Variants in ULK4 observed in about 807,000 individuals in gnomAD.
The protein encoded by ULK4 is inactive serine/threonine-protein kinase ULK4.
In ULK4, 133 loss-of-function variants were observed where a neutral mutation model predicts 160.6. The observed-to-expected ratio is 0.83, with a 90% CI of 0.72 to 0.96. ULK4 has a LOEUF of 0.96. ULK4 is among the 40% of genes least tolerant of loss of function. The pLI, the probability that ULK4 is intolerant of heterozygous loss-of-function variation, is 0.00. For missense variants in ULK4, 1,580 were observed against 1,499.5 expected, an observed-to-expected ratio of 1.05 and a Z score of -0.89; for synonymous variants, 534 against 539.8, an observed-to-expected ratio of 0.99 and a Z score of 0.15.
At chr3:41,428,229 C>T (rs1158578394) in intron 34 of ULK4, among the ~76,000 whole-genome samples, 1 of 152,090 alleles carries the variant, frequency 6.6e-6, no homozygotes, top group African/African-American at 2.4e-5. Flanking sequence ...AAGATCTCTT[C>T]AAGGAGAACT....
intron 35 of ULK4, among the ~76,000 whole-genome samples, chr3:41,299,315 A>G (rs2079735287): frequency 6.6e-6 from 1 of 152,194 alleles, no homozygotes; most frequent in African/African-American, 2.4e-5. Context: ...CACCAACCCC[A>G]TTAGCAGCTG....
chr3:41,388,236 G>A (rs1229748889), intron 35 of ULK4, among the ~76,000 whole-genome samples: 1 of 152,034 alleles, frequency 6.6e-6, no homozygotes, highest in Non-Finnish European at 1.5e-5. Flanking sequence ...CTTTTTTCTT[G>A]TAAATTTGTT....
At chr3:41,298,041 C>G (rs562609460) in intron 35 of ULK4, among the ~76,000 whole-genome samples, 4 of 152,316 alleles carry the variant, frequency 2.6e-5, no homozygotes, top group African/African-American at 9.6e-5. Flanking sequence ...CCCATCACCA[C>G]TCAGGGTATT....
chr3:41,545,217 C>T (rs142592523), intron 32 of ULK4, among the ~76,000 whole-genome samples: 13 of 152,094 alleles, frequency 8.5e-5, no homozygotes, highest in South Asian at 2.1e-4. Flanking sequence ...TAACCACATT[C>T]GCGTTCTCTC....
intron 35 of ULK4, among the ~76,000 whole-genome samples, chr3:41,278,404 C>T (rs1377489245): frequency 6.6e-6 from 1 of 152,234 alleles, no homozygotes; most frequent in African/African-American, 2.4e-5. Flanking sequence ...CTTCTGTAGA[C>T]TTAAACGTCC....
chr3:41,645,324 G>A (rs1427239772), intron 30 of ULK4, among the ~76,000 whole-genome samples: 2 of 151,542 alleles, frequency 1.3e-5, no homozygotes, highest in Non-Finnish European at 2.9e-5. Flanking sequence ...TCTCTTGTGG[G>A]CATTTATTAC....
At chr3:41,900,877 T>A (rs563310319) in intron 12 of ULK4, 48 bp from the exon 13 acceptor site, 1 of 1,380,028 alleles carries the variant, frequency 7.2e-7, no homozygotes, top group Non-Finnish European at 1.0e-6. Flanking sequence ...CTAATGTAGA[T>A]CTTTAAAACA....
intron 35 of ULK4, among the ~76,000 whole-genome samples, chr3:41,326,842 A>G (rs1254790187): frequency 6.6e-6 from 1 of 152,180 alleles, no homozygotes; most frequent in Non-Finnish European, 1.5e-5. Context: ...TCCATTAGCC[A>G]GCCTAGCAAT....
At position 41,724,847 on chromosome 3, in the gene ULK4, T is replaced by C. The variant is rs2037594869; in HGVS notation, c.2322-6986A>G. 2.6e-5 allele frequency among the ~76,000 whole-genome samples: 4 copies of C among 152,212 alleles called. No individual in the cohort carries two copies. The South Asian group carries it at 8.3e-4, about 32-fold the overall frequency. ...GTAACTCATTGTGATTAAACTAAAT[T>C]TTCCTGATGACTAATTAGGTTAAGC... On this transcript the variant is annotated intron_variant, in intron 22 of 36. Transcript: ENST00000301831.
At chr3:41,452,800 G>A (rs2083451637) in intron 34 of ULK4, among the ~76,000 whole-genome samples, 1 of 152,086 alleles carries the variant, frequency 6.6e-6, no homozygotes, top group Non-Finnish European at 1.5e-5. Context: ...ATGACTCCAT[G>A]TTCGAGCTAA....
At chr3:41,278,172 C>A (rs2079265635) in intron 35 of ULK4, 1 of 152,348 alleles carries the variant, frequency 6.6e-6, no homozygotes, top group African/African-American at 2.4e-5. Flanking sequence ...GTCCCACGCC[C>A]ACAGAGCCTA....
In ULK4 at chr3:41,774,693, T is replaced by C. The variant is rs2039535991; in HGVS notation, c.2193+14968A>G. On this transcript the variant is annotated intron_variant, in intron 21 of 36. Coordinates refer to ENST00000301831, the MANE Select transcript of ULK4 (RefSeq NM_017886.4). ...TTCCTCAGGGATCTAGAACTAGAAA[T>C]ACCATTTGACCCAGCCATCCCATTA... Among the ~76,000 whole-genome samples, 5 of 150,086 alleles carry C rather than the reference T, an allele frequency of 3.3e-5. No individual in the cohort carries two copies. In the South Asian group the frequency reaches 1.0e-3, roughly 31 times the overall value.
At chr3:41,878,626 T>C (rs1383887814) in intron 17 of ULK4, among the ~76,000 whole-genome samples, 1 of 139,040 alleles carries the variant, frequency 7.2e-6, no homozygotes, top group Non-Finnish European at 1.5e-5. Context: ...ATTTTGCAAC[T>C]CTAAAGGATT....
intron 35 of ULK4, among the ~76,000 whole-genome samples, chr3:41,359,146 G>A (rs1456599628): frequency 6.6e-6 from 1 of 152,194 alleles, no homozygotes; most frequent in African/African-American, 2.4e-5. Context: ...ACTTGAAGCT[G>A]CCATGACTAA....
chr3:41,777,905 C>T (rs567459636), intron 21 of ULK4, among the ~76,000 whole-genome samples: 3 of 141,938 alleles, frequency 2.1e-5, no homozygotes, highest in Admixed American at 7.1e-5. Flanking sequence ...TGGAAGCATT[C>T]CCTTTGAAAA....
Position 41,741,549 on chromosome 3 carries a change from A to G in ULK4, c.2321+12812T>C, listed in dbSNP as rs116533527. Among the ~76,000 whole-genome samples the G allele has an allele frequency of 2.6e-3, 393 of 152,110 alleles. 7 individuals carry two copies. Among genetic ancestry groups the G allele is most frequent in the African/African-American group, 8.5e-3 (350 of 41,388 alleles). ...TGCTGCATTAAATAACCTAAAGCAT[A>G]TATCCTGAACAATTCACACTTTTAT... On this transcript the variant is annotated intron_variant, in intron 22 of 36. Coordinates refer to ENST00000301831, the MANE Select transcript of ULK4 (RefSeq NM_017886.4).
chr3:41,740,659 T>C (rs999616748), intron 22 of ULK4, among the ~76,000 whole-genome samples: 2 of 151,944 alleles, frequency 1.3e-5, no homozygotes, highest in African/African-American at 2.4e-5. Flanking sequence ...ATGGTGATGA[T>C]GGTATGCAGA....
At chr3:41,669,260 G>C (rs1036745743) in intron 29 of ULK4, among the ~76,000 whole-genome samples, 1 of 152,120 alleles carries the variant, frequency 6.6e-6, no homozygotes, top group African/African-American at 2.4e-5. Context: ...AAGGGTCGGG[G>C]GGAGAGACAG....
chr3:41,869,062 A>G (rs1697001033), intron 17 of ULK4: 1 of 152,134 alleles, frequency 6.6e-6, no homozygotes, highest in Non-Finnish European at 1.5e-5. Context: ...GTTACAATCA[A>G]TTAGTTGTAA....
Sources: gnomAD v4.1 joint callset for allele counts (sites outside exome capture counted in the v4.1 genomes callset) on GRCh38, gnomAD v4.1.1 for gene constraint, MANE v1.5 for transcripts, NCBI Gene and HGNC (gene_info 2026-07-23, HGNC 2026-07-21) for gene names.